DLGAP2: variants seen among roughly 807,000 people sequenced by gnomAD.
The protein encoded by DLGAP2 is disks large-associated protein 2.
DLGAP2 carries 26 observed loss-of-function variants against 100.3 expected under a neutral mutation model. The observed-to-expected ratio is 0.26, with a 90% CI of 0.19 to 0.36. DLGAP2 has a LOEUF of 0.36. DLGAP2 is among the 10% of genes least tolerant of loss of function. DLGAP2 has a pLI of 1.00. For synonymous variants in DLGAP2, 886 were observed against 630.1 expected, an observed-to-expected ratio of 1.41 and a Z score of -6.08; for missense variants, 1,858 against 1,453.2, an observed-to-expected ratio of 1.28 and a Z score of -4.53.
intron 4 of DLGAP2, among the ~76,000 whole-genome samples, chr8:1,502,756 T>G (rs1310990305): frequency 6.6e-6 from 1 of 152,218 alleles, no homozygotes; most frequent in East Asian, 1.9e-4. Flanking sequence ...TTCTTGAGGC[T>G]TTGGAGGTAG....
In DLGAP2 at chr8:1,706,107, G is replaced by A. The variant is rs937938465; in HGVS notation, c.*4701G>A. 1 of 152,228 alleles carries A rather than the reference G, an allele frequency of 6.6e-6. No homozygotes were observed. The highest frequency in any genetic ancestry group is 1.5e-5 in the Non-Finnish European group (1 of 68,050). 9.4% of individuals were successfully genotyped at this position (152,228 alleles called of 1,614,324 possible). ...GCCATAAACAAAGTGCTAAAGGAAA[G>A]GGTTTGCTTCTACACATTCGGCTGA... On this transcript the variant is annotated 3_prime_UTR_variant, in exon 15 of 15. Transcript: ENST00000637795.
chr8:1,171,090 C>G (rs1797118830), intron 2 of DLGAP2, among the ~76,000 whole-genome samples: 1 of 151,918 alleles, frequency 6.6e-6, no homozygotes, highest in African/African-American at 2.4e-5. Context: ...TGTCTTTGTT[C>G]TCGTTGGTTT....
intron 2 of DLGAP2, among the ~76,000 whole-genome samples, chr8:1,040,488 CCGTGGTCGTCTCGGTGTG>C (rs1414044861): frequency 6.3e-4 from 80 of 127,806 alleles, no homozygotes; most frequent in African/African-American, 2.3e-3. Context: ...GGCTCGGTTT[CCGTGGTCGTCTCGGTGTG>C]CGTGGTTGGC....
At position 795,954 on chromosome 8, in the gene DLGAP2, G is replaced by GCTGTCCAGTGAGA. The variant is rs1294510557; in HGVS notation, c.18+58129_18+58130insCTGTCCAGTGAGA. 2.6e-3 allele frequency among the ~76,000 whole-genome samples: 375 copies of GCTGTCCAGTGAGA among 144,256 alleles called. 58 individuals carry two copies. Among genetic ancestry groups the GCTGTCCAGTGAGA allele is most frequent in the Non-Finnish European group, 4.1e-3 (267 of 65,458 alleles). 94.6% of individuals were successfully genotyped at this position (144,256 alleles called of 152,430 possible). A position where few individuals can be genotyped will look rare whatever the true frequency, so the allele number is the denominator to read the frequency against. On this transcript the variant is annotated intron_variant, in intron 1 of 14. Coordinates refer to ENST00000637795, the MANE Select transcript of DLGAP2 (RefSeq NM_001346810.2). Reference sequence around the variant, plus strand: ...TGAGAGCAGGCGTCCAGTGAGAGCAGGCGTCCAGTGAGAGCAGGCGTCCAG... The same window carrying GCTGTCCAGTGAGA: ...TGAGAGCAGGCGTCCAGTGAGAGCAGCTGTCCAGTGAGAGCGTCCAGTGAGAGCAGGCGTCCAG...
chr8:1,003,741 G>A (rs1217100687), intron 2 of DLGAP2, among the ~76,000 whole-genome samples: 1 of 152,174 alleles, frequency 6.6e-6, no homozygotes, highest in Non-Finnish European at 1.5e-5. Flanking sequence ...TGTTGTCTGA[G>A]CGCCTGGATT....
chr8:1,572,183 A>G (rs1225925239), intron 6 of DLGAP2, among the ~76,000 whole-genome samples: 9 of 71,092 alleles, frequency 1.3e-4, no homozygotes, highest in Non-Finnish European at 1.3e-4. Flanking sequence ...GTGTCTGATG[A>G]GATGGAGAGG....
chr8:860,480 C>G (rs1033812172), intron 1 of DLGAP2, among the ~76,000 whole-genome samples: 6 of 152,196 alleles, frequency 3.9e-5, no homozygotes, highest in African/African-American at 1.4e-4. Context: ...TTGTCCTGGA[C>G]CAAATGACTT....
At chr8:1,245,092 C>G (rs1007345346) in intron 2 of DLGAP2, among the ~76,000 whole-genome samples, 1 of 152,130 alleles carries the variant, frequency 6.6e-6, no homozygotes, top group African/African-American at 2.4e-5. Flanking sequence ...GACAGACAAT[C>G]GTAAGTGCTG....
At chr8:845,956 A>G (rs1797063826) in intron 1 of DLGAP2, among the ~76,000 whole-genome samples, 1 of 152,222 alleles carries the variant, frequency 6.6e-6, no homozygotes. Context: ...CTTGTCAAAA[A>G]TCAATTGTCC....
chr8:1,502,459 G>C (rs975652288), intron 4 of DLGAP2, among the ~76,000 whole-genome samples: 1 of 152,186 alleles, frequency 6.6e-6, no homozygotes, highest in African/African-American at 2.4e-5. Context: ...TTCAATATAA[G>C]ATGATGGAAA....
In DLGAP2 at chr8:1,502,737, A is replaced by C. The variant is rs1799766104; in HGVS notation, c.172+1306A>C. ...CTTCCAAATGCACGGGACTCATTTG[A>C]CGTTTGTTTTCTTGAGGCTTTGGAG... On this transcript the variant is annotated intron_variant, in intron 4 of 14. Coordinates refer to ENST00000637795, the MANE Select transcript of DLGAP2 (RefSeq NM_001346810.2). Among the ~76,000 whole-genome samples the C allele has an allele frequency of 7.2e-5, 11 of 152,082 alleles. No individual in the cohort carries two copies. In the South Asian group the frequency reaches 2.1e-3, roughly 29 times the overall value.
At chr8:1,182,267 C>G in intron 2 of DLGAP2, among the ~76,000 whole-genome samples, 1 of 152,308 alleles carries the variant, frequency 6.6e-6, no homozygotes, top group East Asian at 1.9e-4. Context: ...CTGTTTTGGA[C>G]AAATGGAGAA....
chr8:758,060 G>A (rs1281374372), intron 1 of DLGAP2, among the ~76,000 whole-genome samples: 1 of 152,148 alleles, frequency 6.6e-6, no homozygotes, highest in African/African-American at 2.4e-5. Flanking sequence ...GGAGATGATG[G>A]TAATTTCACC....
chr8:1,299,371 A>T (rs1222456378), intron 3 of DLGAP2, among the ~76,000 whole-genome samples: 1 of 152,234 alleles, frequency 6.6e-6, no homozygotes, highest in African/African-American at 2.4e-5. Context: ...GAAATCTGGA[A>T]ACAGATTCTC....
chr8:1,282,030 AC>A (rs34663273), intron 3 of DLGAP2, among the ~76,000 whole-genome samples: 2,323 of 127,654 alleles, frequency 0.018, 68 homozygotes, highest in African/African-American at 0.07. Flanking sequence ...TGAACCCAGC[AC>A]CATGAACCAT....
At chr8:1,225,744 C>T (rs763236372) in intron 2 of DLGAP2, among the ~76,000 whole-genome samples, 2 of 152,140 alleles carry the variant, frequency 1.3e-5, no homozygotes, top group Non-Finnish European at 2.9e-5. Flanking sequence ...CAGAACATCT[C>T]AGTTAGACTG....
intron 1 of DLGAP2, among the ~76,000 whole-genome samples, chr8:795,342 G>T (rs1796001704): frequency 6.6e-6 from 1 of 152,184 alleles, no homozygotes; most frequent in African/African-American, 2.4e-5. Context: ...CATGGCTCGA[G>T]CTTGGGCGAA....
At chr8:1,257,501 C>G (rs973972494) in intron 2 of DLGAP2, among the ~76,000 whole-genome samples, 1 of 123,914 alleles carries the variant, frequency 8.1e-6, no homozygotes, top group Non-Finnish European at 1.9e-5. Context: ...TTGTCCGTGC[C>G]TTTCCTGGGA....
chr8:1,554,132 A>G (rs917121700), intron 5 of DLGAP2, among the ~76,000 whole-genome samples: 1 of 152,106 alleles, frequency 6.6e-6, no homozygotes, highest in Non-Finnish European at 1.5e-5. Context: ...TACTAAAAAT[A>G]CAAAAACTAG....
Sources: allele counts gnomAD v4.1 joint callset (sites outside exome capture counted in the v4.1 genomes callset), GRCh38; gene constraint gnomAD v4.1.1; transcripts MANE v1.5; gene names NCBI Gene and HGNC (gene_info 2026-07-23, HGNC 2026-07-21).